Variants in DNMT3A observed in about 807,000 individuals in gnomAD.
DNMT3A encodes DNA (cytosine-5)-methyltransferase 3A.
A neutral mutation model predicts 117.6 loss-of-function variants in DNMT3A; 267 were observed. The ratio of observed to expected loss-of-function variants is 2.27; its 90% CI spans 2.05 to 2.51. The LOEUF is 2.51. Among genes scored for constraint, DNMT3A ranks in the 30% most tolerant of loss-of-function variants. The probability of loss-of-function intolerance (pLI) is 0.00; values close to 1 mark genes in which losing one functional copy is unlikely to be tolerated. For missense variants in DNMT3A, 1,029 were observed against 1,260.2 expected (o/e 0.82, Z 2.78); for synonymous variants, 432 against 474.8 (o/e 0.91, Z 1.17).
intron 1 of DNMT3A, chr2:25,314,583 A>C (rs1420200847): frequency 4.2e-6 from 4 of 955,124 alleles, no homozygotes; most frequent in Admixed American, 8.0e-5. Flanking sequence ...CCTCACCCCC[A>C]CCCCCACACC....
At chr2:25,264,894 ATCATGATTCCAGTC>A (rs2030149794) in intron 6 of DNMT3A, among the ~76,000 whole-genome samples, 1 of 152,210 alleles carries the variant, frequency 6.6e-6, no homozygotes. Flanking sequence ...GAGAGTGCAG[ATCATGATTCCAGTC>A]TCACCCCCCA....
rs1676245558 is a variant in DNMT3A, at chr2:25,257,356, C to T, written c.640-9104G>A. On this transcript the variant is annotated intron_variant, in intron 6 of 22. Transcript: ENST00000321117. The surrounding 1 kb of genome is among the most constrained non-coding windows in gnomAD (Gnocchi z 4.8). ...AAGTGGGGCAGACATTCCCCCTGTC[C>T]CTCAGTAACCCATCTCCATGGAAAC... is the stretch of plus-strand genomic sequence containing the variant. Among the ~76,000 whole-genome samples, 1 of 152,198 alleles carries T rather than the reference C, an allele frequency of 6.6e-6. No individual in the cohort carries two copies. The highest frequency in any genetic ancestry group is 6.5e-5 in the Admixed American group (1 of 15,282).
intron 2 of DNMT3A, among the ~76,000 whole-genome samples, chr2:25,312,729 G>C (rs1314457379): frequency 6.6e-6 from 1 of 152,220 alleles, no homozygotes; most frequent in East Asian, 1.9e-4. Flanking sequence ...CTAGGAAACA[G>C]AAACACACTC....
At chr2:25,300,712 A>AATAT (rs3039391) in intron 2 of DNMT3A, among the ~76,000 whole-genome samples, 12 of 18,910 alleles carry the variant, frequency 6.3e-4, no homozygotes, top group Non-Finnish European at 7.2e-4. Context: ...TAAATAATAT[A>AATAT]ATATATATAT....
At chr2:25,308,565 T>TC (rs903271662) in intron 2 of DNMT3A, among the ~76,000 whole-genome samples, 2 of 151,348 alleles carry the variant, frequency 1.3e-5, no homozygotes, top group African/African-American at 4.9e-5. Flanking sequence ...CTCTCCTAAC[T>TC]CCCCCGAGAT....
rs183113266 is a variant in DNMT3A at position 25,275,198 on chromosome 2, C to A, written c.493-111G>T. The A allele has an allele frequency of 7.0e-4, 983 of 1,401,772 alleles. 6 individuals carry two copies. In the African/African-American group the frequency reaches 0.012, roughly 17 times the overall value. The allele number at this position is 1,401,772 out of a possible 1,614,324, so 86.8% of individuals were successfully genotyped here. On this transcript the variant is annotated intron_variant, in intron 5 of 22. Transcript: ENST00000321117. ...CACTGGCTCCTGGCCAGAGAGGGCA[C>A]CCCTGGGAGTGCTGGGCAGGCCCCG...
In DNMT3A at chr2:25,247,367, G is replaced by T. The variant is rs1674939558; in HGVS notation, c.1015-209C>A. 2.5e-6 allele frequency: 2 copies of T among 808,642 alleles called. No homozygotes were observed. Among genetic ancestry groups the T allele is most frequent in the Non-Finnish European group, 3.8e-6 (2 of 521,654 alleles). 50.1% of individuals were successfully genotyped at this position (808,642 alleles called of 1,614,324 possible). ...AGTGCAGGTGGAAAGGAATTCTAGT[G>T]AATAGGTTCCTGGAAGGCTAAAACT... On this transcript the variant is annotated intron_variant, in intron 8 of 22. Coordinates refer to ENST00000321117, the MANE Select transcript of DNMT3A (RefSeq NM_022552.5). The surrounding 1 kb of genome is among the most constrained non-coding windows in gnomAD (Gnocchi z 5.6).
At chr2:25,341,993 G>C, upstream of DNMT3A, 1 of 945,460 alleles carries the variant, frequency 1.1e-6, no homozygotes, top group Non-Finnish European at 1.2e-6. Flanking sequence ...TCGCTGTCGC[G>C]CTCCCTCTCT....
At chr2:25,336,806 C>A (rs1040472799) in intron 1 of DNMT3A, among the ~76,000 whole-genome samples, 7 of 152,168 alleles carry the variant, frequency 4.6e-5, no homozygotes, top group African/African-American at 1.7e-4. Flanking sequence ...GGCACTACAG[C>A]CACCCACAAT....
At chr2:25,240,793 G>A in intron 17 of DNMT3A, 63 bp from the exon 18 acceptor site, 1 of 1,532,350 alleles carries the variant, frequency 6.5e-7, no homozygotes, top group Non-Finnish European at 9.0e-7. Flanking sequence ...CAGGAAGAAA[G>A]AGAAATTATC....
chr2:25,279,686 T>A (rs1175373379), intron 4 of DNMT3A, among the ~76,000 whole-genome samples: 2 of 151,938 alleles, frequency 1.3e-5, no homozygotes, highest in African/African-American at 4.8e-5. Flanking sequence ...AAGTTTGTTT[T>A]TTTTTTTTGT....
chr2:25,314,151 G>A lies in DNMT3A; in HGVS notation c.-167C>T, dbSNP rs2034267585. 6 of 1,426,150 alleles carry A rather than the reference G, an allele frequency of 4.2e-6. No individual in the cohort carries two copies. The highest frequency in any genetic ancestry group is 2.9e-5 in the Admixed American group (1 of 34,022). 88.3% of individuals were successfully genotyped at this position (1,426,150 alleles called of 1,614,324 possible). A position where few individuals can be genotyped will look rare whatever the true frequency, so the allele number is the denominator to read the frequency against. On this transcript the variant is annotated 5_prime_UTR_variant, in exon 2 of 23. Transcript: ENST00000321117. ...CTGTCAGCCTGTGGGTGGGGGCTTC[G>A]ATGGCTCCACCTGTGGGGGAGAGAA... is the stretch of plus-strand genomic sequence containing the variant.
intron 6 of DNMT3A, among the ~76,000 whole-genome samples, chr2:25,259,496 T>C (rs1479981818): frequency 2.0e-5 from 3 of 152,184 alleles, no homozygotes; most frequent in Non-Finnish European, 2.9e-5. Context: ...CCTAATAGAA[T>C]CACACGTATC....
rs75674393 is a variant in DNMT3A, at chr2:25,326,665, A to C, written c.-177-12504T>G. On this transcript the variant is annotated intron_variant, in intron 1 of 22. Coordinates refer to ENST00000321117, the MANE Select transcript of DNMT3A (RefSeq NM_022552.5). ...ATTGTATACAACTTCTCTAGCAGCC[A>C]GATCTTGCTGCATGGGCGCTTCCCA... Among the ~76,000 whole-genome samples, 433 of 152,312 alleles carry C rather than the reference A, an allele frequency of 2.8e-3. 3 individuals carry two copies. Among genetic ancestry groups the C allele is most frequent in the Non-Finnish European group, 8.7e-4 (59 of 68,028 alleles).
intron 6 of DNMT3A, among the ~76,000 whole-genome samples, chr2:25,251,207 C>T (rs1204354636): frequency 9.1e-6 from 1 of 109,424 alleles, no homozygotes; most frequent in Non-Finnish European, 1.9e-5. Flanking sequence ...AAGGGGCAGC[C>T]GGAGCTGGGT....
intron 2 of DNMT3A, among the ~76,000 whole-genome samples, chr2:25,300,586 C>A (rs1355527945): frequency 1.5e-5 from 2 of 134,860 alleles, no homozygotes; most frequent in African/African-American, 5.5e-5. Context: ...TATAAAAATA[C>A]CCACACCCAT....
intron 22 of DNMT3A, 53 bp downstream of exon 22, chr2:25,235,654 C>G: frequency 6.9e-7 from 1 of 1,443,044 alleles, no homozygotes; most frequent in Non-Finnish European, 9.7e-7. Flanking sequence ...CCGCAGCAAG[C>G]ACAGCAATCA....
intron 6 of DNMT3A, among the ~76,000 whole-genome samples, chr2:25,261,438 CAA>C (rs1299589500): frequency 6.6e-5 from 2 of 30,108 alleles, no homozygotes; most frequent in African/African-American, 1.3e-4. Flanking sequence ...GACTCTGTCT[CAA>C]AAAAAAAAAA....
At chr2:25,338,491 C>G (rs1226651402) in intron 1 of DNMT3A, among the ~76,000 whole-genome samples, 1 of 152,164 alleles carries the variant, frequency 6.6e-6, no homozygotes, top group African/African-American at 2.4e-5. Context: ...TGTAAGTAGG[C>G]AGTGGCCGCT....
Sources: allele counts gnomAD v4.1 joint callset (sites outside exome capture counted in the v4.1 genomes callset), GRCh38; gene constraint gnomAD v4.1.1; non-coding constraint Gnocchi (gnomAD v3.1); transcripts MANE v1.5; gene names NCBI Gene and HGNC (gene_info 2026-07-23, HGNC 2026-07-21).